FRMPD3: variants seen among roughly 807,000 people sequenced by gnomAD.
The protein encoded by FRMPD3 is FERM and PDZ domain containing 3.
Under a neutral mutation model 97.9 loss-of-function variants are expected in FRMPD3, and 42 were observed. The ratio of observed to expected loss-of-function variants is 0.43; its 90% CI spans 0.34 to 0.55. FRMPD3 has a LOEUF of 0.55. FRMPD3 is among the 20% of genes least tolerant of loss of function. The pLI is 0.03. For synonymous variants in FRMPD3, 577 were observed against 581.1 expected (o/e 0.99, Z 0.10); for missense variants, 1,303 against 1,457.7 (o/e 0.89, Z 1.73).
intron 12 of FRMPD3, among the ~76,000 whole-genome samples, chrX:107,573,406 C>G (rs1382446266): frequency 1.8e-5 from 2 of 111,850 alleles, no homozygotes; most frequent in East Asian, 2.8e-4. Context: ...GGCAGCAAGA[C>G]AGCAAGAAGG....
intron 1 of FRMPD3, among the ~76,000 whole-genome samples, chrX:107,513,960 G>T (rs2147536766): frequency 8.9e-6 from 1 of 112,150 alleles, no homozygotes; most frequent in South Asian, 3.8e-4. Flanking sequence ...AGAATGAAAT[G>T]AACAGGTTGC....
At chrX:107,599,226 C>T (rs1297903903) in intron 14 of FRMPD3, among the ~76,000 whole-genome samples, 1 of 108,697 alleles carries the variant, frequency 9.2e-6, no homozygotes, top group African/African-American at 3.4e-5. Context: ...TGAGCCGATA[C>T]TGCACCACTG....
chrX:107,565,190 AC>A, intron 12 of FRMPD3, 124 bp downstream of exon 12: 5 of 653,087 alleles, frequency 7.7e-6, no homozygotes, highest in Non-Finnish European at 1.1e-5. Context: ...AAGTGGTTCA[AC>A]CCTGGGACTC....
chrX:107,600,993 G>A lies in FRMPD3; in HGVS notation c.2954G>A (p.Arg985Lys). 8.3e-7 allele frequency: 1 copy of A among 1,207,317 alleles called. No homozygotes were observed. Among genetic ancestry groups the A allele is most frequent in the Non-Finnish European group, 1.1e-6 (1 of 893,615 alleles). ...GGGAACCCCCCCAGCAGGGGTGAGA[G>A]AAGGCTGGAGGCCAGCATGGGGAGG... Reference protein sequence around the residue: ...ALGNPPSRGERRLEASMGRPE... With the variant: ...ALGNPPSRGEKRLEASMGRPE... Residue 985 changes from arginine to lysine, a missense_variant, in exon 15 of 15, where the codon AGA (arginine) becomes AAA (lysine). Transcript: ENST00000683843.
At chrX:107,577,492 A>C (rs1156573648) in intron 13 of FRMPD3, among the ~76,000 whole-genome samples, 1 of 106,509 alleles carries the variant, frequency 9.4e-6, no homozygotes, top group East Asian at 2.9e-4. Context: ...AAAAAAAAAA[A>C]AAAAAAAAAA....
rs895410970 is a variant in FRMPD3 at position 107,602,469 on chromosome X, G to A, written c.4430G>A (p.Arg1477Gln). ...TTCTCACTGCCCGAGGAGGTGTACCGGAAGCCTGCCGAGCTAGACGAGGAC... is the reference window on the plus strand; with the variant it reads ...TTCTCACTGCCCGAGGAGGTGTACCAGAAGCCTGCCGAGCTAGACGAGGAC... ...AVFSLPEEVY[R>Q]KPAELDEDSE... is the part of the protein sequence containing the mutation. The change falls in exon 15 of 15, where the codon CGG becomes CAG. Residue 1477 changes from arginine (R) to glutamine (Q), a missense_variant. Transcript: ENST00000683843. 8.3e-6 allele frequency: 10 copies of A among 1,210,241 alleles called. No individual in the cohort carries two copies. The East Asian group carries it at 1.2e-4, about 14-fold the overall frequency.
intron 1 of FRMPD3, among the ~76,000 whole-genome samples, chrX:107,472,704 C>T (rs193149243): frequency 4.5e-5 from 5 of 111,534 alleles, no homozygotes; most frequent in Non-Finnish European, 9.4e-5. Flanking sequence ...CCAGCCAGCC[C>T]CAGGCAAAAC....
chrX:107,549,497 G>A (rs1041286182), intron 5 of FRMPD3, among the ~76,000 whole-genome samples: 1 of 110,466 alleles, frequency 9.1e-6, no homozygotes, highest in African/African-American at 3.3e-5. Context: ...TGTGAAAGAG[G>A]TGTGGGTACT....
At chrX:107,528,261 G>A (rs758514657) in intron 2 of FRMPD3, among the ~76,000 whole-genome samples, 9 of 111,822 alleles carry the variant, frequency 8.0e-5, no homozygotes, top group South Asian at 7.6e-4. Context: ...ATTTGAGGCC[G>A]TAATAAAGAC....
chrX:107,551,454 TCTCCATA>T (rs1272590884), intron 6 of FRMPD3, among the ~76,000 whole-genome samples: 3 of 112,052 alleles, frequency 2.7e-5, no homozygotes, highest in Non-Finnish European at 5.6e-5. Flanking sequence ...GTGGACTCTG[TCTCCATA>T]CTGGAGTGTT....
intron 4 of FRMPD3, among the ~76,000 whole-genome samples, chrX:107,543,183 C>T (rs9887067): frequency 0.013 from 1,415 of 111,412 alleles, 35 homozygotes; most frequent in African/African-American, 0.044. Context: ...CAACCAGAGG[C>T]TTCCTTTTAA....
chrX:107,560,796 G>A lies in FRMPD3; in HGVS notation c.969G>A (p.Arg323=). The A allele has an allele frequency of 1.7e-5, 20 of 1,188,766 alleles. No individual in the cohort carries two copies. Among genetic ancestry groups the A allele is most frequent in the Non-Finnish European group, 2.1e-5 (19 of 883,771 alleles). Residue 323 remains arginine (R), a synonymous_variant, in exon 10 of 15, where the codon CGG becomes CGA. Coordinates refer to ENST00000683843, the MANE Select transcript of FRMPD3 (RefSeq NM_001388459.1). ...LLQVIKEKNL[R]KSLSQQLKAH... is the part of the protein sequence containing the mutation. ...AGGTCATCAAAGAGAAGAACCTCCGGAAATCTCTCTCTCAGCAACTGAAGG... is the reference window on the plus strand; with the variant it reads ...AGGTCATCAAAGAGAAGAACCTCCGAAAATCTCTCTCTCAGCAACTGAAGG...
chrX:107,572,905 C>CTAATAATAATAATAATAA (rs1178379970), intron 12 of FRMPD3, among the ~76,000 whole-genome samples: 2 of 101,632 alleles, frequency 2.0e-5, no homozygotes, highest in African/African-American at 7.8e-5. Context: ...ACTACTACTA[C>CTAATAATAATAATAATAA]TACTAATAAT....
rs1387436772 is a variant in FRMPD3, at chrX:107,604,307, T to A, written c.*934T>A. On this transcript the variant is annotated 3_prime_UTR_variant, in exon 15 of 15. Coordinates refer to ENST00000683843, the MANE Select transcript of FRMPD3 (RefSeq NM_001388459.1). ...GGGGTGGGGGGAGGGGGGAAAGGGG[T>A]AGGGGTGGGGGGTGTTGATGACTAT... The A allele has an allele frequency of 2.2e-4, 1 of 4,538 alleles. No individual in the cohort carries two copies. Among genetic ancestry groups the A allele is most frequent in the African/African-American group, 1.0e-3 (1 of 954 alleles). The allele number at this position is 4,538 out of a possible 1,213,427, so 0.4% of individuals were successfully genotyped here. A position where few individuals can be genotyped will look rare whatever the true frequency, so the allele number is the denominator to read the frequency against.
At chrX:107,562,993 C>T in intron 10 of FRMPD3, 118 bp from the exon 11 acceptor site, 1 of 511,548 alleles carries the variant, frequency 2.0e-6, no homozygotes, top group Non-Finnish European at 3.4e-6. Context: ...CACATCTCCA[C>T]AGTGTCACTT....
intron 1 of FRMPD3, among the ~76,000 whole-genome samples, chrX:107,519,843 A>G (rs1038608540): frequency 8.9e-6 from 1 of 111,997 alleles, no homozygotes; most frequent in Non-Finnish European, 1.9e-5. Flanking sequence ...AAGCAAAACC[A>G]AAAACCCCAG....
intron 1 of FRMPD3, among the ~76,000 whole-genome samples, chrX:107,460,322 T>C (rs187635249): frequency 3.6e-5 from 4 of 111,534 alleles, no homozygotes; most frequent in Admixed American, 2.9e-4. Context: ...CTTCCTTCAG[T>C]AATTGTTCTC....
chrX:107,483,183 G>A (rs1921419130), intron 1 of FRMPD3, among the ~76,000 whole-genome samples: 1 of 112,175 alleles, frequency 8.9e-6, no homozygotes, highest in African/African-American at 3.2e-5. Flanking sequence ...CAGCCAAGAG[G>A]GTTAAGTAGG....
intron 1 of FRMPD3, among the ~76,000 whole-genome samples, 106 bp downstream of exon 1, chrX:107,450,111 C>A (rs1931252364): frequency 9.1e-6 from 1 of 110,386 alleles, no homozygotes; most frequent in African/African-American, 3.3e-5. Flanking sequence ...GGGCGACTGG[C>A]GCTTGGGCGC....
Sources: allele counts gnomAD v4.1 joint callset (sites outside exome capture counted in the v4.1 genomes callset), GRCh38; gene constraint gnomAD v4.1.1; transcripts MANE v1.5; gene names NCBI Gene and HGNC (gene_info 2026-07-23, HGNC 2026-07-21).